Variants in PSD3 observed in about 807,000 individuals in gnomAD.
PSD3 encodes PH and SEC7 domain-containing protein 3.
Under a neutral mutation model 105.5 loss-of-function variants are expected in PSD3, and 49 were observed. The ratio of observed to expected loss-of-function variants is 0.46; its 90% confidence interval spans 0.37 to 0.59. The LOEUF (loss-of-function observed/expected upper bound fraction) is 0.59. PSD3 is among the 20% of genes least tolerant of loss of function. The probability of loss-of-function intolerance (pLI) is 0.00; values close to 1 mark genes in which losing one functional copy is unlikely to be tolerated. For missense variants in PSD3, 1,561 were observed against 1,263.8 expected (o/e 1.24, Z -3.57); for synonymous variants, 557 against 457.8 (o/e 1.22, Z -2.77).
At chr8:18,889,413 C>G (rs945888916) in intron 2 of PSD3, among the ~76,000 whole-genome samples, 3 of 152,124 alleles carry the variant, frequency 2.0e-5, no homozygotes, top group African/African-American at 7.2e-5. Context: ...TACAAACCAA[C>G]CAATCCAGAG....
At chr8:19,031,931 T>C in intron 1 of PSD3, among the ~76,000 whole-genome samples, 1 of 152,214 alleles carries the variant, frequency 6.6e-6, no homozygotes, top group Non-Finnish European at 1.5e-5. Flanking sequence ...AACATCATAA[T>C]ATTTTACTTT....
At chr8:18,721,383 C>G (rs1802963084) in intron 9 of PSD3, among the ~76,000 whole-genome samples, 1 of 152,082 alleles carries the variant, frequency 6.6e-6, no homozygotes, top group Non-Finnish European at 1.5e-5. Context: ...TAACTGTATC[C>G]CAAGTAACTA....
At chr8:18,954,256 G>A (rs1311130250) in intron 1 of PSD3, among the ~76,000 whole-genome samples, 1 of 152,128 alleles carries the variant, frequency 6.6e-6, no homozygotes, top group East Asian at 1.9e-4. Context: ...CTGTGGCACA[G>A]TGGATATGAG....
rs1829356463 is a variant in PSD3 at position 19,073,881 on chromosome 8, C to T, written c.324+10325G>A. Among the ~76,000 whole-genome samples the T allele has an allele frequency of 3.3e-5, 5 of 151,774 alleles. No homozygotes were observed. In the South Asian group the frequency reaches 1.0e-3, roughly 32 times the overall value. ...TCTCGGCTCACTGCAAGCTCCGCCT[C>T]CCGGGTTCACGCCATTCTGCCGCCT... is the stretch of plus-strand genomic sequence containing the variant. On this transcript the variant is annotated intron_variant, in intron 1 of 1. Transcript: ENST00000521475.
At chr8:18,631,180 G>C (rs369376615) in intron 11 of PSD3, among the ~76,000 whole-genome samples, 17 of 151,962 alleles carry the variant, frequency 1.1e-4, no homozygotes, top group African/African-American at 3.9e-4. Flanking sequence ...GGTTGTAAAA[G>C]GAAAACTGCA....
At chr8:19,074,157 T>A (rs1829369838) in intron 1 of PSD3, among the ~76,000 whole-genome samples, 1 of 152,086 alleles carries the variant, frequency 6.6e-6, no homozygotes, top group Non-Finnish European at 1.5e-5. Context: ...CAAAGCAGTA[T>A]CCCCAAAGCA....
chr8:18,993,669 T>C (rs1825922487), intron 1 of PSD3, among the ~76,000 whole-genome samples: 1 of 152,020 alleles, frequency 6.6e-6, no homozygotes, highest in African/African-American at 2.4e-5. Context: ...AAAGTTTGCC[T>C]TATACATTAT....
chr8:19,050,533 G>A (rs1828491655), intron 1 of PSD3, among the ~76,000 whole-genome samples: 1 of 152,204 alleles, frequency 6.6e-6, no homozygotes, highest in Non-Finnish European at 1.5e-5. Flanking sequence ...CACATCCTTT[G>A]TAGGGACATG....
intron 1 of PSD3, among the ~76,000 whole-genome samples, chr8:19,063,365 G>C (rs936864803): frequency 6.6e-6 from 1 of 152,196 alleles, no homozygotes; most frequent in Non-Finnish European, 1.5e-5. Context: ...TTTTCTGCCA[G>C]AGGTAGTACA....
At chr8:18,770,797 C>T (rs1319824058) in intron 8 of PSD3, among the ~76,000 whole-genome samples, 1 of 152,244 alleles carries the variant, frequency 6.6e-6, no homozygotes, top group Non-Finnish European at 1.5e-5. Flanking sequence ...TGGCTGCCTT[C>T]TGCCAGCAAG....
intron 11 of PSD3, among the ~76,000 whole-genome samples, chr8:18,611,447 T>C (rs1397012136): frequency 2.6e-5 from 4 of 152,146 alleles, no homozygotes; most frequent in Admixed American, 2.6e-4. Context: ...GGACACATTT[T>C]AGAACCAGAG....
At chr8:18,688,944 A>G (rs1800813570) in intron 9 of PSD3, among the ~76,000 whole-genome samples, 2 of 152,356 alleles carry the variant, frequency 1.3e-5, no homozygotes, top group South Asian at 4.1e-4. Flanking sequence ...GGTGACTTCC[A>G]TAACAAATCA....
intron 1 of PSD3, among the ~76,000 whole-genome samples, chr8:19,041,818 C>T (rs1486264019): frequency 6.6e-6 from 1 of 152,124 alleles, no homozygotes; most frequent in Non-Finnish European, 1.5e-5. Context: ...TAAAAATAAA[C>T]CAGAAACCTT....
intron 12 of PSD3, among the ~76,000 whole-genome samples, chr8:18,596,323 C>T (rs1479035058): frequency 6.6e-6 from 1 of 151,842 alleles, no homozygotes; most frequent in African/African-American, 2.4e-5. Context: ...AAATAAACAA[C>T]CTGTTTTTAC....
rs7845102 is a variant in PSD3 at position 18,950,105 on chromosome 8, C to T, written c.22-13963G>A. On this transcript the variant is annotated intron_variant, in intron 1 of 15. Coordinates refer to ENST00000327040, the MANE Select transcript of PSD3 (RefSeq NM_015310.4). ...ACCTATTTAAACTATAGCTTTGTCA[C>T]GATACTCATACTACCTGCAATATGA... Among the ~76,000 whole-genome samples, 1,263 of 152,142 alleles carry T rather than the reference C, an allele frequency of 8.3e-3. 12 individuals are homozygous for T. The highest frequency in any genetic ancestry group is 0.028 in the African/African-American group (1,156 of 41,508).
At chr8:18,982,771 T>C (rs1302162666) in intron 1 of PSD3, among the ~76,000 whole-genome samples, 1 of 152,210 alleles carries the variant, frequency 6.6e-6, no homozygotes, top group African/African-American at 2.4e-5. Flanking sequence ...CTAATAGACG[T>C]CCTGTCATAC....
At chr8:19,082,212 C>T (rs111919088) in intron 1 of PSD3, among the ~76,000 whole-genome samples, 12 of 152,266 alleles carry the variant, frequency 7.9e-5, no homozygotes, top group South Asian at 6.2e-4. Flanking sequence ...GATAGCCGTA[C>T]GGCACCTACA....
intron 11 of PSD3, among the ~76,000 whole-genome samples, chr8:18,601,446 G>A (rs935311270): frequency 6.6e-6 from 1 of 152,156 alleles, no homozygotes; most frequent in East Asian, 1.9e-4. Flanking sequence ...ACATTAGAAA[G>A]TACATTATTG....
rs190714188 is a variant in PSD3 at position 18,905,080 on chromosome 8, G to A, written c.130+30954C>T. Among the ~76,000 whole-genome samples the A allele has an allele frequency of 2.0e-4, 31 of 152,252 alleles. No individual in the cohort carries two copies. In the South Asian group the frequency reaches 2.7e-3, roughly 13 times the overall value. On this transcript the variant is annotated intron_variant, in intron 2 of 15. Coordinates refer to ENST00000327040, the MANE Select transcript of PSD3 (RefSeq NM_015310.4). Reference sequence around the variant, plus strand: ...GCTTTGCAAATTAAAAAACTGAGGCGAGAGTGTTTTAAGTAGCTTATAGCC... The same window carrying A: ...GCTTTGCAAATTAAAAAACTGAGGCAAGAGTGTTTTAAGTAGCTTATAGCC...
Sources: allele counts gnomAD v4.1 joint callset (sites outside exome capture counted in the v4.1 genomes callset), GRCh38; gene constraint gnomAD v4.1.1; transcripts MANE v1.5; gene names NCBI Gene and HGNC (gene_info 2026-07-23, HGNC 2026-07-21).